Variants in PRKN observed in about 807,000 individuals in gnomAD.
The protein encoded by PRKN is parkin RBR E3 ubiquitin protein ligase.
Under a neutral mutation model 59.5 loss-of-function variants are expected in PRKN, and 56 were observed. The observed-to-expected ratio is 0.94, with a 90% CI of 0.76 to 1.18. The LOEUF (loss-of-function observed/expected upper bound fraction) is 1.18. Ranked by LOEUF, PRKN falls within the 50% of genes most tolerant of loss-of-function variation. The pLI is 0.00. For synonymous variants in PRKN, 250 were observed against 222.1 expected, an observed-to-expected ratio of 1.13 and a Z score of -1.12; for missense variants, 657 against 596.4, an observed-to-expected ratio of 1.10 and a Z score of -1.06.
intron 7 of PRKN, among the ~76,000 whole-genome samples, chr6:161,658,133 A>C (rs1460829804): frequency 6.6e-6 from 1 of 152,020 alleles, no homozygotes; most frequent in Non-Finnish European, 1.5e-5. Flanking sequence ...TCTTATTTCC[A>C]TTTACCTTGC....
At chr6:161,946,444 T>TCC in intron 6 of PRKN, among the ~76,000 whole-genome samples, 1 of 138,438 alleles carries the variant, frequency 7.2e-6, no homozygotes, top group African/African-American at 2.5e-5. Flanking sequence ...TCTCTCTCTC[T>TCC]CTCTCTCAAT....
chr6:161,644,333 C>A (rs1207207548), intron 7 of PRKN, among the ~76,000 whole-genome samples: 1 of 152,142 alleles, frequency 6.6e-6, no homozygotes, highest in Non-Finnish European at 1.5e-5. Context: ...CTAGGAAATG[C>A]ATGTCAGTTT....
intron 6 of PRKN, among the ~76,000 whole-genome samples, chr6:161,948,898 T>A (rs1353208693): frequency 1.3e-5 from 2 of 152,188 alleles, no homozygotes; most frequent in African/African-American, 4.8e-5. Context: ...CCGTACATGT[T>A]CTCATGTAGT....
intron 7 of PRKN, among the ~76,000 whole-genome samples, chr6:161,631,166 T>C (rs1783293178): frequency 1.3e-5 from 2 of 152,088 alleles, no homozygotes; most frequent in South Asian, 4.2e-4. Flanking sequence ...CAGACAGGAG[T>C]GCCCACCATG....
chr6:162,028,613 G>GCA (rs1783524578), intron 5 of PRKN, among the ~76,000 whole-genome samples: 2 of 152,236 alleles, frequency 1.3e-5, no homozygotes, highest in Non-Finnish European at 1.5e-5. Flanking sequence ...ACGGGCACAA[G>GCA]CATTATTGCT....
intron 7 of PRKN, among the ~76,000 whole-genome samples, chr6:161,710,565 A>C (rs541933509): frequency 6.6e-6 from 1 of 152,208 alleles, no homozygotes; most frequent in South Asian, 2.1e-4. Flanking sequence ...ACTGTTCTAC[A>C]GGCATTTAAA....
At chr6:161,434,283 A>C (rs1788783349) in intron 9 of PRKN, among the ~76,000 whole-genome samples, 1 of 151,262 alleles carries the variant, frequency 6.6e-6, no homozygotes, top group Non-Finnish European at 1.5e-5. Flanking sequence ...GCCATAGATC[A>C]TAGGGAAAAT....
chr6:162,555,981 C>A (rs867507559), intron 1 of PRKN, among the ~76,000 whole-genome samples: 932 of 90,040 alleles, frequency 0.01, no homozygotes, highest in Middle Eastern at 0.024. Flanking sequence ...AACTCCATCT[C>A]AAAAAAAAAA....
chr6:161,857,650 A>G (rs1035298760), intron 6 of PRKN, among the ~76,000 whole-genome samples: 1 of 152,232 alleles, frequency 6.6e-6, no homozygotes, highest in Non-Finnish European at 1.5e-5. Context: ...AGCTCACATA[A>G]GCAGAATATC....
chr6:161,898,199 A>G (rs190180310), intron 6 of PRKN, among the ~76,000 whole-genome samples: 1 of 152,096 alleles, frequency 6.6e-6, no homozygotes, highest in Admixed American at 6.6e-5. Context: ...GAATCTGTAA[A>G]ACTAAGATAT....
chr6:162,176,974 C>A (rs1266428582), intron 4 of PRKN, among the ~76,000 whole-genome samples: 2 of 143,214 alleles, frequency 1.4e-5, no homozygotes, highest in Admixed American at 1.4e-4. Flanking sequence ...AAAATGAAAG[C>A]AAAAGTGTGA....
rs1779517485 is a variant in PRKN at position 161,538,836 on chromosome 6, T to C, written c.1083+10018A>G. On this transcript the variant is annotated intron_variant, in intron 9 of 11. Coordinates refer to ENST00000366898, the MANE Select transcript of PRKN (RefSeq NM_004562.3). This position sits in a 1 kb window ranked among gnomAD's most constrained non-coding sequence, Gnocchi z 4.2. ...GACTTAGCCTTTCCCAGTGGAATGT[T>C]GGACAAGCGAGAGAAATGCCTGTCA... 6.6e-6 allele frequency among the ~76,000 whole-genome samples: 1 copy of C among 152,200 alleles called. No individual in the cohort carries two copies. Among genetic ancestry groups the C allele is most frequent in the East Asian group, 1.9e-4 (1 of 5,188 alleles).
At chr6:161,439,254 C>T (rs1789075006) in intron 9 of PRKN, among the ~76,000 whole-genome samples, 1 of 152,162 alleles carries the variant, frequency 6.6e-6, no homozygotes, top group Non-Finnish European at 1.5e-5. Flanking sequence ...GATGCGGTCT[C>T]CCAACAACTG....
intron 7 of PRKN, among the ~76,000 whole-genome samples, chr6:161,748,596 A>G (rs1268020387): frequency 6.6e-6 from 1 of 152,140 alleles, no homozygotes; most frequent in Non-Finnish European, 1.5e-5. Context: ...CCTGGAAGTA[A>G]CACTGGCTTT....
At chr6:161,589,538 C>T (rs1209938210) in intron 7 of PRKN, among the ~76,000 whole-genome samples, 1 of 151,222 alleles carries the variant, frequency 6.6e-6, no homozygotes, top group East Asian at 1.9e-4. Context: ...GTAGATAACT[C>T]GTGGTCAAAG....
intron 2 of PRKN, among the ~76,000 whole-genome samples, chr6:162,378,659 C>T (rs1331187841): frequency 6.6e-6 from 1 of 152,230 alleles, no homozygotes; most frequent in Non-Finnish European, 1.5e-5. Flanking sequence ...TTTGTTCTAC[C>T]TGGCAGTCTC....
chr6:162,174,220 C>T (rs1020818066), intron 4 of PRKN, among the ~76,000 whole-genome samples: 10 of 152,166 alleles, frequency 6.6e-5, no homozygotes, highest in African/African-American at 2.4e-4. Context: ...CAATGATTTT[C>T]TTCTAAGAAA....
intron 6 of PRKN, among the ~76,000 whole-genome samples, chr6:161,824,946 T>C (rs1324054853): frequency 1.3e-5 from 2 of 152,326 alleles, no homozygotes; most frequent in East Asian, 1.9e-4. Flanking sequence ...AGACTTGAAA[T>C]GCTCTGCAAT....
At chr6:162,495,084 G>A (rs977612075) in intron 1 of PRKN, among the ~76,000 whole-genome samples, 4 of 152,176 alleles carry the variant, frequency 2.6e-5, no homozygotes, top group Non-Finnish European at 5.9e-5. Flanking sequence ...ACAGTTAATC[G>A]AGAGACATCA....
Sources: gnomAD v4.1 joint callset for allele counts (sites outside exome capture counted in the v4.1 genomes callset) on GRCh38, gnomAD v4.1.1 for gene constraint, Gnocchi (gnomAD v3.1) non-coding constraint, MANE v1.5 for transcripts, NCBI Gene and HGNC (gene_info 2026-07-23, HGNC 2026-07-21) for gene names.